VWA3B: variants seen among roughly 807,000 people sequenced by gnomAD.
VWA3B encodes von Willebrand factor A domain containing 3B.
Under a neutral mutation model 158.3 loss-of-function variants are expected in VWA3B, and 138 were observed. The observed-to-expected ratio is 0.87, with a 90% CI of 0.76 to 1.00. VWA3B has a LOEUF of 1.00. VWA3B is among the 50% of genes least tolerant of loss of function. The pLI is 0.00. For missense variants in VWA3B, 1,555 were observed against 1,565.1 expected (o/e 0.99, Z 0.11); for synonymous variants, 596 against 587.3 (o/e 1.01, Z -0.21).
At chr2:98,300,779 A>C (rs1350763570) in intron 25 of VWA3B, among the ~76,000 whole-genome samples, 1 of 152,000 alleles carries the variant, frequency 6.6e-6, no homozygotes, top group Non-Finnish European at 1.5e-5. Context: ...ACTCCCTCAG[A>C]GTGAACACAG....
the VWA3B span, among the ~76,000 whole-genome samples, chr2:98,329,525 G>C: frequency 1.3e-5 from 2 of 151,904 alleles, no homozygotes; most frequent in Non-Finnish European, 2.9e-5. Flanking sequence ...TAATGGGCAA[G>C]ATCTTAAAAG....
the VWA3B span, among the ~76,000 whole-genome samples, chr2:98,319,965 T>C: frequency 6.6e-6 from 1 of 152,002 alleles, no homozygotes; most frequent in Non-Finnish European, 1.5e-5. Flanking sequence ...TGTGCCAATA[T>C]GAAGTAATCA....
rs976889625 is a variant in VWA3B, at chr2:98,269,227, C to T, written c.2844-1455C>T. ...GGCCTCTTACAGGTGAAGGGCTTCA[C>T]CAATTATCCCAGCTAGAGATTTGGG... On this transcript the variant is annotated intron_variant, in intron 21 of 27. Transcript: ENST00000477737. 4.6e-4 allele frequency: 70 copies of T among 152,132 alleles called. 2 individuals carry two copies. Among genetic ancestry groups the T allele is most frequent in the African/African-American group, 1.6e-3 (67 of 41,400 alleles). The allele number at this position is 152,132 out of a possible 1,614,324, so 9.4% of individuals were successfully genotyped here.
chr2:98,167,731 T>G (rs1410891689), intron 8 of VWA3B, among the ~76,000 whole-genome samples: 2 of 152,170 alleles, frequency 1.3e-5, no homozygotes, highest in Non-Finnish European at 2.9e-5. Context: ...GAAGGTTATC[T>G]GAGTCTGGGG....
At position 98,256,131 on chromosome 2, in the gene VWA3B, A is replaced by G; in HGVS notation, c.2800A>G (p.Asn934Asp). 2 of 1,613,642 alleles carry G rather than the reference A, an allele frequency of 1.2e-6. No individual in the cohort carries two copies. Among genetic ancestry groups the G allele is most frequent in the South Asian group, 2.2e-5 (2 of 91,040 alleles). ...QAIQSYEKRL[N>D]KIVWRALSQE... Reference sequence around the variant, plus strand: ...ACTTTTTTTTTTTAACAGGCGCTTGAATAAAATTGTTTGGCGAGCATTATC... The same window carrying G: ...ACTTTTTTTTTTTAACAGGCGCTTGGATAAAATTGTTTGGCGAGCATTATC... Residue 934 changes from asparagine to aspartate, a missense_variant, in exon 21 of 28, where the codon AAT becomes GAT. Physicochemically the swap from Asn to Asp is conservative, Grantham distance 23. Transcript: ENST00000477737.
At chr2:98,226,980 C>A (rs1358184091) in intron 14 of VWA3B, among the ~76,000 whole-genome samples, 1 of 152,106 alleles carries the variant, frequency 6.6e-6, no homozygotes, top group East Asian at 1.9e-4. Context: ...CTTTGAAAAC[C>A]AGCACAAGAT....
intron 21 of VWA3B, among the ~76,000 whole-genome samples, chr2:98,263,724 G>T (rs62156744): frequency 0.13 from 20,374 of 151,898 alleles, 2,092 homozygotes; most frequent in Non-Finnish European, 0.2. Flanking sequence ...TCTCTGTCTG[G>T]TTATGATATC....
chr2:98,129,762 G>A (rs550491642), intron 6 of VWA3B, among the ~76,000 whole-genome samples: 1 of 152,284 alleles, frequency 6.6e-6, no homozygotes, highest in South Asian at 2.1e-4. Flanking sequence ...TACTTCTGTG[G>A]TTACAAGGAG....
rs776614112 is a variant in VWA3B at position 98,250,397 on chromosome 2, A to G, written c.2753A>G (p.Tyr918Cys). ...CCCCAAGGAGCCAAACTCAATATCT[A>G]CAAGCGAAAAGTGGAACAGGCAATT... Reference protein sequence around the residue: ...INPQGAKLNIYKRKVEQAIQS... With the variant: ...INPQGAKLNICKRKVEQAIQS... Residue 918 changes from tyrosine to cysteine, a missense_variant, in exon 20 of 28, where the codon TAC becomes TGC. Physicochemically the swap from Tyr to Cys is radical, Grantham distance 194. Coordinates refer to ENST00000477737, the MANE Select transcript of VWA3B (RefSeq NM_144992.5). 6.2e-7 allele frequency: 1 copy of G among 1,613,058 alleles called. No homozygotes were observed. The highest frequency in any genetic ancestry group is 8.5e-7 in the Non-Finnish European group (1 of 1,179,672).
chr2:98,206,590 T>G, intron 12 of VWA3B: 1 of 466,482 alleles, frequency 2.1e-6, no homozygotes, highest in South Asian at 1.9e-5. Flanking sequence ...TGAACATCAT[T>G]GGAGAGCCTA....
At position 98,197,026 on chromosome 2, in the gene VWA3B, C is replaced by T. The variant is rs572021606; in HGVS notation, c.1737+2534C>T. ...ACTTTATTCAGCCTTCATCAGTTTT[C>T]CACTAATGTTCCTTTTATGTTCCAA... is the stretch of plus-strand genomic sequence containing the variant. On this transcript the variant is annotated intron_variant, in intron 12 of 27. Transcript: ENST00000477737. Among the ~76,000 whole-genome samples the T allele has an allele frequency of 3.3e-5, 5 of 152,272 alleles. No individual in the cohort carries two copies. In the East Asian group the frequency reaches 5.8e-4, roughly 18 times the overall value.
chr2:98,295,026 G>A (rs1243115811), intron 23 of VWA3B, among the ~76,000 whole-genome samples: 4 of 152,074 alleles, frequency 2.6e-5, no homozygotes, highest in East Asian at 1.9e-4. Context: ...TAAACACCTC[G>A]CCTCCTCTCC....
chr2:98,196,986 T>G (rs187262665), intron 12 of VWA3B, among the ~76,000 whole-genome samples: 256 of 152,248 alleles, frequency 1.7e-3, no homozygotes, highest in African/African-American at 6.0e-3. Flanking sequence ...ATGGCTACTA[T>G]GAGCTAAATT....
chr2:98,254,818 A>G (rs896844120), intron 20 of VWA3B, among the ~76,000 whole-genome samples: 1 of 152,086 alleles, frequency 6.6e-6, no homozygotes, highest in African/African-American at 2.4e-5. Context: ...CCCTCTTCAG[A>G]GGCCCTGTCT....
chr2:98,189,791 A>T (rs751847684), intron 10 of VWA3B, among the ~76,000 whole-genome samples: 2 of 152,144 alleles, frequency 1.3e-5, no homozygotes, highest in Non-Finnish European at 2.9e-5. Flanking sequence ...CGATGAACCA[A>T]CTTTTTTGTA....
intron 8 of VWA3B, among the ~76,000 whole-genome samples, chr2:98,171,468 C>T (rs573582773): frequency 6.6e-6 from 1 of 152,024 alleles, no homozygotes; most frequent in East Asian, 1.9e-4. Context: ...ATGCAAAGGC[C>T]CCGAGGCAGA....
At chr2:98,283,321 A>G (rs996029219) in intron 22 of VWA3B, among the ~76,000 whole-genome samples, 1 of 152,248 alleles carries the variant, frequency 6.6e-6, no homozygotes, top group Non-Finnish European at 1.5e-5. Context: ...ATTCGTCTGG[A>G]GACAGAGAGA....
intron 7 of VWA3B, among the ~76,000 whole-genome samples, chr2:98,153,186 G>A (rs550294536): frequency 7.3e-5 from 11 of 151,700 alleles, no homozygotes; most frequent in Non-Finnish European, 1.5e-4. Context: ...AATAGCACTC[G>A]CTCTGCTCAC....
At chr2:98,162,287 A>C (rs1184711709) in intron 7 of VWA3B, among the ~76,000 whole-genome samples, 1 of 152,120 alleles carries the variant, frequency 6.6e-6, no homozygotes, top group South Asian at 2.1e-4. Context: ...TGAAAGACAT[A>C]AATATCTAAA....
Sources: allele counts gnomAD v4.1 joint callset (sites outside exome capture counted in the v4.1 genomes callset), GRCh38; gene constraint gnomAD v4.1.1; transcripts MANE v1.5; gene names NCBI Gene and HGNC (gene_info 2026-07-23, HGNC 2026-07-21).